METTL25: variants seen among roughly 807,000 people sequenced by gnomAD.
The protein encoded by METTL25 is methyltransferase like 25.
A neutral mutation model predicts 71.6 loss-of-function variants in METTL25; 64 were observed. That is an observed-to-expected ratio of 0.89 (90% CI 0.73 to 1.10). METTL25 has a LOEUF of 1.10. Ranked by LOEUF, METTL25 falls within the 50% of genes least tolerant of loss-of-function variation. The probability of loss-of-function intolerance (pLI) is 0.00; values close to 1 mark genes in which losing one functional copy is unlikely to be tolerated. For synonymous variants in METTL25, 287 were observed against 250.3 expected, an observed-to-expected ratio of 1.15 and a Z score of -1.38; for missense variants, 807 against 707.0, an observed-to-expected ratio of 1.14 and a Z score of -1.60.
chr12:82,411,630 G>T (rs1412309267), intron 5 of METTL25, among the ~76,000 whole-genome samples: 1 of 152,008 alleles, frequency 6.6e-6, no homozygotes, highest in African/African-American at 2.4e-5. Flanking sequence ...ATCTCCAGAA[G>T]AAATAATTAT....
At chr12:82,437,732 A>AT (rs1207122495) in intron 7 of METTL25, among the ~76,000 whole-genome samples, 1 of 151,776 alleles carries the variant, frequency 6.6e-6, no homozygotes, top group Non-Finnish European at 1.5e-5. Context: ...GTTTTACTGA[A>AT]TTATATCTTT....
intron 1 of METTL25, among the ~76,000 whole-genome samples, chr12:82,360,422 A>G (rs1013474694): frequency 1.3e-5 from 2 of 151,942 alleles, no homozygotes; most frequent in East Asian, 3.9e-4. Flanking sequence ...TGATAATGGA[A>G]GATTCTCAAA....
chr12:82,389,997 T>C, intron 3 of METTL25, 75 bp downstream of exon 3: 2 of 784,156 alleles, frequency 2.6e-6, no homozygotes. Context: ...TTCACCTTTT[T>C]ACTGTCAGCT....
intron 5 of METTL25, among the ~76,000 whole-genome samples, chr12:82,406,061 A>G (rs537592731): frequency 6.0e-4 from 92 of 152,312 alleles, no homozygotes; most frequent in African/African-American, 2.1e-3. Context: ...GGAGAGGCTC[A>G]TAAAAAGTCA....
At chr12:82,466,646 C>A (rs1426234636) in intron 9 of METTL25, among the ~76,000 whole-genome samples, 1 of 151,844 alleles carries the variant, frequency 6.6e-6, no homozygotes, top group Non-Finnish European at 1.5e-5. Flanking sequence ...TGGGTTTTTT[C>A]TGTTGATTAT....
At chr12:82,376,966 T>C (rs773238826) in intron 1 of METTL25, among the ~76,000 whole-genome samples, 3 of 152,042 alleles carry the variant, frequency 2.0e-5, no homozygotes, top group Non-Finnish European at 4.4e-5. Flanking sequence ...CTACAAAAAT[T>C]AGCCGGCGTG....
chr12:82,469,430 C>G (rs1892440270), intron 9 of METTL25, among the ~76,000 whole-genome samples: 1 of 151,970 alleles, frequency 6.6e-6, no homozygotes, highest in Non-Finnish European at 1.5e-5. Flanking sequence ...CTTCTTCACA[C>G]CCCAATAGGA....
chr12:82,442,967 C>T (rs901372171), intron 8 of METTL25, among the ~76,000 whole-genome samples: 3 of 149,920 alleles, frequency 2.0e-5, no homozygotes, highest in Non-Finnish European at 4.4e-5. Flanking sequence ...AATTAATGAA[C>T]TGAAAGATCA....
chr12:82,376,911 T>C (rs941350949), intron 1 of METTL25, among the ~76,000 whole-genome samples: 8 of 152,142 alleles, frequency 5.3e-5, no homozygotes, highest in African/African-American at 1.9e-4. Flanking sequence ...ATCAGGAGTT[T>C]GAGACCAGCC....
intron 1 of METTL25, chr12:82,359,040 C>T: frequency 1.7e-6 from 1 of 604,002 alleles, no homozygotes; most frequent in Non-Finnish European, 2.9e-6. Context: ...TTGTGTATGT[C>T]CACAATTTAA....
At chr12:82,438,441 T>C (rs1408948767) in intron 7 of METTL25, 1 of 249,416 alleles carries the variant, frequency 4.0e-6, no homozygotes, top group East Asian at 6.8e-5. Context: ...AAGGACTCTA[T>C]TTGGGCATTA....
chr12:82,462,453 A>G (rs1271896367), intron 9 of METTL25, among the ~76,000 whole-genome samples: 1 of 152,092 alleles, frequency 6.6e-6, no homozygotes, highest in Non-Finnish European at 1.5e-5. Context: ...ATATGTGAGA[A>G]CATACCGTAT....
chr12:82,429,409 TTGTGTA>T (rs375437014), intron 5 of METTL25, among the ~76,000 whole-genome samples: 1 of 151,524 alleles, frequency 6.6e-6, no homozygotes, highest in African/African-American at 2.4e-5. Context: ...TAATACTCTA[TTGTGTA>T]TATACCACAT....
At chr12:82,470,491 G>T (rs1483139197) in intron 9 of METTL25, among the ~76,000 whole-genome samples, 1 of 152,078 alleles carries the variant, frequency 6.6e-6, no homozygotes. Context: ...CTATGTTTGT[G>T]CCACAATACT....
At chr12:82,458,547 A>G (rs981528810) in intron 9 of METTL25, among the ~76,000 whole-genome samples, 10 of 152,166 alleles carry the variant, frequency 6.6e-5, no homozygotes, top group Non-Finnish European at 1.2e-4. Flanking sequence ...TAAAAAATAC[A>G]GAGAGAACCA....
At chr12:82,374,306 A>G (rs997801976) in intron 1 of METTL25, 1 of 152,282 alleles carries the variant, frequency 6.6e-6, no homozygotes, top group Non-Finnish European at 1.5e-5. Flanking sequence ...AGGGGACCTG[A>G]GCAGGTTGCT....
chr12:82,446,065 G>T (rs1263008424), intron 8 of METTL25, among the ~76,000 whole-genome samples: 1 of 151,980 alleles, frequency 6.6e-6, no homozygotes, highest in African/African-American at 2.4e-5. Flanking sequence ...TAGACTTCAA[G>T]CCAAAAGAGA....
chr12:82,455,558 A>G (rs990419140), intron 8 of METTL25, among the ~76,000 whole-genome samples: 2 of 151,972 alleles, frequency 1.3e-5, no homozygotes, highest in African/African-American at 2.4e-5. Flanking sequence ...ACACTTTATC[A>G]TAAAGGAAGA....
intron 7 of METTL25, chr12:82,438,436 C>T (rs1393401672): frequency 4.2e-6 from 1 of 239,750 alleles, no homozygotes; most frequent in Non-Finnish European, 8.0e-6. Context: ...CTGGTAAGGA[C>T]TCTATTTGGG....
Sources: allele counts gnomAD v4.1 joint callset (sites outside exome capture counted in the v4.1 genomes callset), GRCh38; gene constraint gnomAD v4.1.1; transcripts MANE v1.5; gene names NCBI Gene and HGNC (gene_info 2026-07-23, HGNC 2026-07-21).